Variants in TSNARE1 observed in about 807,000 individuals in gnomAD.
TSNARE1 encodes the protein t-SNARE domain-containing protein 1.
TSNARE1 carries 49 observed loss-of-function variants against 62.0 expected under a neutral mutation model. The observed-to-expected ratio is 0.79, with a 90% CI of 0.63 to 1.00. The LOEUF is 1.00. Ranked by LOEUF, TSNARE1 falls within the 50% of genes least tolerant of loss-of-function variation. TSNARE1 has a pLI of 0.00. For missense variants in TSNARE1, 755 were observed against 700.1 expected, an observed-to-expected ratio of 1.08 and a Z score of -0.88; for synonymous variants, 328 against 294.4, an observed-to-expected ratio of 1.11 and a Z score of -1.17.
intron 13 of TSNARE1, among the ~76,000 whole-genome samples, chr8:142,226,826 C>T (rs1284616699): frequency 6.6e-6 from 1 of 152,126 alleles, no homozygotes; most frequent in African/African-American, 2.4e-5. Flanking sequence ...GCTCAAAGGC[C>T]CCTTCCCTTC....
intron 9 of TSNARE1, among the ~76,000 whole-genome samples, chr8:142,314,022 G>A (rs112603690): frequency 0.19 from 28,472 of 152,132 alleles, 3,131 homozygotes; most frequent in South Asian, 0.28. Context: ...CAGGTGATCC[G>A]CCCACCTCGG....
intron 11 of TSNARE1, among the ~76,000 whole-genome samples, chr8:142,283,475 C>A (rs561720109): frequency 2.1e-4 from 30 of 143,980 alleles, no homozygotes; most frequent in African/African-American, 7.8e-4. Context: ...TGAACAGAGG[C>A]GGGGCCAGTG....
intron 1 of TSNARE1, among the ~76,000 whole-genome samples, chr8:142,372,076 G>A (rs1835955634): frequency 1.3e-5 from 2 of 152,216 alleles, no homozygotes; most frequent in Non-Finnish European, 2.9e-5. Context: ...TGTGAGAGGA[G>A]GTGGTGGATT....
intron 11 of TSNARE1, chr8:142,276,830 A>T: frequency 1.0e-6 from 1 of 985,394 alleles, no homozygotes; most frequent in Non-Finnish European, 1.2e-6. Context: ...TCCCAGGGGC[A>T]TTCTTAGCCA....
chr8:142,300,797 G>T, intron 9 of TSNARE1, 153 bp from the exon 10 acceptor site: 2 of 941,950 alleles, frequency 2.1e-6, no homozygotes, highest in South Asian at 1.8e-5. Flanking sequence ...GCCTTCTGCG[G>T]CCACGAGCCT....
intron 7 of TSNARE1, 104 bp downstream of exon 7, chr8:142,318,440 C>G: frequency 8.6e-7 from 1 of 1,157,068 alleles, no homozygotes; most frequent in Non-Finnish European, 1.2e-6. Flanking sequence ...CATCCACACA[C>G]GTCAGCCTCC....
At chr8:142,398,714 A>G (rs1838075057) in intron 1 of TSNARE1, among the ~76,000 whole-genome samples, 1 of 152,154 alleles carries the variant, frequency 6.6e-6, no homozygotes, top group Admixed American at 6.5e-5. Flanking sequence ...CTCACAGAAC[A>G]TTACACATCT....
intron 12 of TSNARE1, among the ~76,000 whole-genome samples, chr8:142,246,397 C>G (rs1817885335): frequency 6.6e-6 from 1 of 152,088 alleles, no homozygotes; most frequent in Non-Finnish European, 1.5e-5. Flanking sequence ...TGTCCCTGCC[C>G]CCCACCATCC....
intron 6 of TSNARE1, among the ~76,000 whole-genome samples, chr8:142,324,458 T>TG (rs535729241): frequency 2.8e-4 from 42 of 152,274 alleles, no homozygotes; most frequent in East Asian, 5.8e-4. Context: ...GAGGCCTGCC[T>TG]GGGGGGTGTG....
intron 1 of TSNARE1, among the ~76,000 whole-genome samples, chr8:142,391,645 C>A (rs1223059813): frequency 6.6e-6 from 1 of 152,248 alleles, no homozygotes; most frequent in Non-Finnish European, 1.5e-5. Context: ...CGGGTGCTCA[C>A]AGTGGAAGCC....
At chr8:142,385,447 C>A (rs1329511830) in intron 1 of TSNARE1, among the ~76,000 whole-genome samples, 1 of 152,186 alleles carries the variant, frequency 6.6e-6, no homozygotes, top group African/African-American at 2.4e-5. Context: ...AATATATTTA[C>A]CAGTAGATTT....
At chr8:142,287,645 A>C (rs1563834219) in intron 10 of TSNARE1, among the ~76,000 whole-genome samples, 3 of 118,552 alleles carry the variant, frequency 2.5e-5, no homozygotes, top group Admixed American at 1.7e-4. Context: ...TCTCAGGGAC[A>C]GTGGGCTGCC....
At chr8:142,286,188 C>T (rs115770896) in intron 10 of TSNARE1, among the ~76,000 whole-genome samples, 1 of 152,270 alleles carries the variant, frequency 6.6e-6, no homozygotes, top group African/African-American at 2.4e-5. Flanking sequence ...CAACCCTCCT[C>T]ACATAGCGCC....
At chr8:142,335,269 C>G (rs1470319157) in intron 4 of TSNARE1, among the ~76,000 whole-genome samples, 2 of 151,802 alleles carry the variant, frequency 1.3e-5, no homozygotes, top group East Asian at 3.9e-4. Flanking sequence ...GTCAACGAGG[C>G]AGGGTCATCA....
chr8:142,322,906 C>T (rs1325016152), intron 6 of TSNARE1, among the ~76,000 whole-genome samples: 2 of 150,314 alleles, frequency 1.3e-5, no homozygotes, highest in South Asian at 2.1e-4. Flanking sequence ...CTGGACGTGT[C>T]CATGGGCTGG....
chr8:142,316,885 C>T (rs756444705), intron 7 of TSNARE1, among the ~76,000 whole-genome samples: 5 of 151,904 alleles, frequency 3.3e-5, no homozygotes, highest in African/African-American at 7.2e-5. Flanking sequence ...ACAGGGAGGG[C>T]GGCATGCATT....
intron 1 of TSNARE1, chr8:142,402,719 C>G (rs961035312): frequency 6.6e-6 from 1 of 152,462 alleles, no homozygotes. Flanking sequence ...CAAGTAGGCG[C>G]TGGGGCGCTC....
intron 9 of TSNARE1, among the ~76,000 whole-genome samples, chr8:142,311,160 G>C (rs910949210): frequency 7.1e-6 from 1 of 141,040 alleles, no homozygotes; most frequent in African/African-American, 2.6e-5. Context: ...AAGGGTGGTT[G>C]TTTTTTTTTT....
At chr8:142,274,121 T>C (rs910773409) in intron 12 of TSNARE1, 2 of 985,228 alleles carry the variant, frequency 2.0e-6, no homozygotes, top group Non-Finnish European at 2.4e-6. Flanking sequence ...TGGGACTCCT[T>C]GAGGAACAGG....
Sources: allele counts gnomAD v4.1 joint callset (sites outside exome capture counted in the v4.1 genomes callset), GRCh38; gene constraint gnomAD v4.1.1; transcripts MANE v1.5; gene names NCBI Gene and HGNC (gene_info 2026-07-23, HGNC 2026-07-21).